GPHN: variants seen among roughly 807,000 people sequenced by gnomAD.
GPHN encodes gephyrin.
Under a neutral mutation model 95.5 loss-of-function variants are expected in GPHN, and 17 were observed. The ratio of observed to expected loss-of-function variants is 0.18; its 90% CI spans 0.12 to 0.27. The LOEUF (loss-of-function observed/expected upper bound fraction) is 0.27, where lower values mean the gene tolerates loss of function less well. GPHN is among the 10% of genes least tolerant of loss of function. The pLI, the probability that GPHN is intolerant of heterozygous loss-of-function variation, is 1.00. For missense variants in GPHN, 660 were observed against 978.1 expected (o/e 0.67, Z 4.34); for synonymous variants, 320 against 322.5 (o/e 0.99, Z 0.08).
At chr14:67,168,793 G>A in intron 20 of GPHN, 140 bp from the exon 21 acceptor site, 1 of 697,614 alleles carries the variant, frequency 1.4e-6, no homozygotes, top group Non-Finnish European at 2.6e-6. Context: ...TGTTCTGGTT[G>A]GATTCAAGGT....
intron 1 of GPHN, among the ~76,000 whole-genome samples, chr14:66,529,851 G>C (rs2058841405): frequency 6.6e-6 from 1 of 152,168 alleles, no homozygotes; most frequent in Non-Finnish European, 1.5e-5. Flanking sequence ...CTTCATCCCA[G>C]AGGGGCACCT....
At chr14:67,698,933 A>C in the GPHN span, among the ~76,000 whole-genome samples, 2 of 152,120 alleles carry the variant, frequency 1.3e-5, no homozygotes, top group Non-Finnish European at 2.9e-5. Flanking sequence ...CCTGTGTGCT[A>C]GTAAGAAGAA....
At chr14:66,812,897 A>G (rs961055194) in intron 3 of GPHN, among the ~76,000 whole-genome samples, 1 of 152,232 alleles carries the variant, frequency 6.6e-6, no homozygotes, top group Admixed American at 6.5e-5. Flanking sequence ...GAAATATTCA[A>G]GATTTTACTC....
At chr14:67,238,269 C>CTTTTTT in the GPHN span, among the ~76,000 whole-genome samples, 657 of 125,124 alleles carry the variant, frequency 5.3e-3, 8 homozygotes, top group African/African-American at 0.019. Context: ...TTCTTGCTTT[C>CTTTTTT]TTTTTTTTTT....
the GPHN span, among the ~76,000 whole-genome samples, chr14:67,457,055 T>C: frequency 2.6e-5 from 4 of 152,144 alleles, no homozygotes; most frequent in African/African-American, 9.7e-5. Flanking sequence ...CATCTTCTCG[T>C]GTATAAGTGG....
chr14:67,651,003 G>C, the GPHN span: 1 of 1,367,272 alleles, frequency 7.3e-7, no homozygotes, highest in Non-Finnish European at 1.0e-6. Flanking sequence ...CTAAATGGTT[G>C]TCTGGGTCAA....
chr14:66,881,110 ATCC>A (rs1389808128), intron 5 of GPHN, among the ~76,000 whole-genome samples: 2 of 152,002 alleles, frequency 1.3e-5, no homozygotes, highest in African/African-American at 4.8e-5. Context: ...CAAAGTTTAT[ATCC>A]CATCAGTGGC....
At chr14:66,619,029 A>AT (rs1235608776) in intron 1 of GPHN, among the ~76,000 whole-genome samples, 2 of 151,940 alleles carry the variant, frequency 1.3e-5, no homozygotes, top group Non-Finnish European at 2.9e-5. Flanking sequence ...AGAGAAAGTC[A>AT]TTTTTTTCTG....
chr14:67,171,904 AAC>A (rs907752290), intron 21 of GPHN, among the ~76,000 whole-genome samples: 109 of 152,126 alleles, frequency 7.2e-4, no homozygotes, highest in African/African-American at 2.4e-3. Flanking sequence ...AACCCCCATC[AAC>A]ACTTTGGACA....
intron 2 of GPHN, among the ~76,000 whole-genome samples, chr14:66,690,816 C>T (rs72726490): frequency 0.059 from 8,932 of 152,254 alleles, 359 homozygotes; most frequent in Middle Eastern, 0.099. Context: ...GACACAGCCT[C>T]ACTCCCTCGG....
At chr14:67,705,555 T>A in the GPHN span, among the ~76,000 whole-genome samples, 10 of 152,148 alleles carry the variant, frequency 6.6e-5, no homozygotes, top group Admixed American at 3.3e-4. Flanking sequence ...GGTCCTGAAT[T>A]CAATCCTGGA....
intron 2 of GPHN, among the ~76,000 whole-genome samples, chr14:66,756,093 A>T (rs1056998875): frequency 6.6e-6 from 1 of 152,196 alleles, no homozygotes; most frequent in African/African-American, 2.4e-5. Flanking sequence ...TGTGGGGCAC[A>T]TGGTAGAAGT....
At chr14:66,923,549 A>G (rs868578032) in intron 7 of GPHN, among the ~76,000 whole-genome samples, 7 of 152,182 alleles carry the variant, frequency 4.6e-5, no homozygotes, top group South Asian at 2.1e-4. Flanking sequence ...GGGCAACTCC[A>G]TGGGTAAATA....
the GPHN span, chr14:67,722,765 C>T: frequency 7.1e-7 from 1 of 1,410,624 alleles, no homozygotes; most frequent in Admixed American, 1.7e-5. Context: ...GCACTGGAAG[C>T]CGGTTCTCAG....
the GPHN span, chr14:67,411,949 C>A: frequency 5.9e-5 from 82 of 1,399,672 alleles, no homozygotes; most frequent in African/African-American, 9.9e-4. Context: ...GCGCGTCTGG[C>A]CCCGCTCTAG....
the GPHN span, chr14:67,587,736 C>T: frequency 1.0e-4 from 17 of 163,928 alleles, no homozygotes; most frequent in Non-Finnish European, 1.9e-4. Flanking sequence ...TTAGTAGAGA[C>T]GGGGTTTCAC....
the GPHN span, chr14:67,364,860 G>A: frequency 1.2e-6 from 2 of 1,613,980 alleles, no homozygotes; most frequent in South Asian, 1.1e-5. Flanking sequence ...CTGAAATGGG[G>A]GCTTATGTCA....
chr14:67,617,797 C>G, the GPHN span, among the ~76,000 whole-genome samples: 1 of 152,022 alleles, frequency 6.6e-6, no homozygotes. Flanking sequence ...CTTGGCTCAC[C>G]GCAATCTCCG....
intron 21 of GPHN, among the ~76,000 whole-genome samples, chr14:67,172,856 C>T (rs2082679189): frequency 6.6e-6 from 1 of 152,194 alleles, no homozygotes; most frequent in South Asian, 2.1e-4. Context: ...CCAAGCCCCA[C>T]CAGCACAGGG....
Sources: gnomAD v4.1 joint callset for allele counts (sites outside exome capture counted in the v4.1 genomes callset) on GRCh38, gnomAD v4.1.1 for gene constraint, MANE v1.5 for transcripts, NCBI Gene and HGNC (gene_info 2026-07-23, HGNC 2026-07-21) for gene names.